Variants in TDRD9 observed in about 807,000 individuals in gnomAD.
TDRD9 encodes the protein ATP-dependent RNA helicase TDRD9.
Under a neutral mutation model 172.6 loss-of-function variants are expected in TDRD9, and 124 were observed. The observed-to-expected ratio is 0.72, with a 90% CI of 0.62 to 0.83. The LOEUF (loss-of-function observed/expected upper bound fraction) is 0.83, where lower values mean the gene tolerates loss of function less well. Ranked by LOEUF, TDRD9 falls within the 40% of genes least tolerant of loss-of-function variation. The pLI, the probability that TDRD9 is intolerant of heterozygous loss-of-function variation, is 0.00. For synonymous variants in TDRD9, 619 were observed against 617.1 expected, an observed-to-expected ratio of 1.00 and a Z score of -0.05; for missense variants, 1,479 against 1,714.1, an observed-to-expected ratio of 0.86 and a Z score of 2.42.
intron 2 of TDRD9, among the ~76,000 whole-genome samples, chr14:103,962,272 T>G (rs1370726775): frequency 6.9e-6 from 1 of 145,286 alleles, no homozygotes; most frequent in Non-Finnish European, 1.6e-5. Context: ...GAATGCACAC[T>G]TAAATTGATG....
chr14:104,045,701 T>C (rs1177077517), intron 34 of TDRD9, among the ~76,000 whole-genome samples: 1 of 152,194 alleles, frequency 6.6e-6, no homozygotes, highest in South Asian at 2.1e-4. Flanking sequence ...TGGACTCATG[T>C]CATCATTGTG....
intron 2 of TDRD9, among the ~76,000 whole-genome samples, chr14:103,961,083 C>T (rs191190696): frequency 6.6e-6 from 1 of 152,252 alleles, no homozygotes; most frequent in East Asian, 1.9e-4. Context: ...TCTCTCAGTC[C>T]AGTTCACAAG....
rs2033847805 is a variant in TDRD9, at chr14:103,991,160, G to A, written c.1116G>A (p.Gly372=). ...TTTGTGCACATCACATTTTTAACAG[G>A]AACAAGGCTTGGTCGGGGGCCCAGT... ...MFDDLDMKES[G]NKAWSGAQFV... Residue 372 remains glycine, a splice_region_variant and synonymous_variant, in exon 9 of 36, where the codon GGG becomes GGA. Transcript: ENST00000409874. 2 of 1,613,826 alleles carry A rather than the reference G, an allele frequency of 1.2e-6. No individual in the cohort carries two copies. Among genetic ancestry groups the A allele is most frequent in the South Asian group, 1.1e-5 (1 of 91,082 alleles).
intron 19 of TDRD9, 53 bp downstream of exon 19, chr14:104,007,257 G>A: frequency 6.4e-7 from 1 of 1,555,458 alleles, no homozygotes. Context: ...AATGAGAGAA[G>A]GACTCTGTCT....
At position 103,968,829 on chromosome 14, in the gene TDRD9, G is replaced by A. The variant is rs569550532; in HGVS notation, c.766-1712G>A. Among the ~76,000 whole-genome samples, 6 of 127,310 alleles carry A rather than the reference G, an allele frequency of 4.7e-5. No homozygotes were observed. The South Asian group carries it at 1.6e-3, about 34-fold the overall frequency. The allele number at this position is 127,310 out of a possible 152,430, so 83.5% of individuals were successfully genotyped here. Reference sequence around the variant, plus strand: ...AGAATAAAGTAGCTTGGCCGGGTGCGGTGGCTCACGCCTATAATCTCAGCA... The same window carrying A: ...AGAATAAAGTAGCTTGGCCGGGTGCAGTGGCTCACGCCTATAATCTCAGCA... On this transcript the variant is annotated intron_variant, in intron 5 of 35. Transcript: ENST00000409874.
Position 103,959,538 on chromosome 14 carries a change from A to G in TDRD9, c.323-3541A>G, listed in dbSNP as rs189637296. 7.6e-4 allele frequency among the ~76,000 whole-genome samples: 116 copies of G among 151,898 alleles called. No individual in the cohort carries two copies. In the South Asian group the frequency reaches 9.0e-3, roughly 12 times the overall value. On this transcript the variant is annotated intron_variant, in intron 2 of 35. Transcript: ENST00000409874. ...CAAAGCTATTTCTATGTCTATTTCT[A>G]TTAAAACCATGAGATTACACTGATG... is the stretch of plus-strand genomic sequence containing the variant.
At chr14:103,982,284 G>A (rs957156162) in intron 7 of TDRD9, among the ~76,000 whole-genome samples, 5 of 152,126 alleles carry the variant, frequency 3.3e-5, no homozygotes, top group East Asian at 1.9e-4. Context: ...CTCTCCAGCC[G>A]TTGCTGGCCT....
At chr14:103,994,075 T>C (rs2033969381) in intron 9 of TDRD9, among the ~76,000 whole-genome samples, 2 of 152,222 alleles carry the variant, frequency 1.3e-5, no homozygotes, top group African/African-American at 4.8e-5. Flanking sequence ...CTCATATAGC[T>C]AACACCCACA....
intron 34 of TDRD9, among the ~76,000 whole-genome samples, chr14:104,045,097 C>T (rs2140928418): frequency 6.6e-6 from 1 of 151,490 alleles, no homozygotes; most frequent in Middle Eastern, 3.4e-3. Flanking sequence ...GAGCCAAGAT[C>T]ACGCCATTGC....
chr14:104,008,446 C>T lies in TDRD9; in HGVS notation c.2086C>T (p.Gln696Ter). The change falls in exon 20 of 36, where the codon CAA (glutamine) becomes TAA (stop). Residue 696 changes from glutamine to a stop codon, truncating the protein, a stop_gained. Transcript: ENST00000409874. LOFTEE classifies it high-confidence loss of function. ...ELNWGRLNYI[Q>*]IKRIREVAEL... The stretch of plus-strand genomic sequence containing the variant: ...TAATTGGGGACGGTTAAATTACATT[C>T]AAATCAAGAGAATTAGAGAGGTAAG... The T allele has an allele frequency of 1.3e-6, 2 of 1,564,760 alleles. No homozygotes were observed. The highest frequency in any genetic ancestry group is 1.8e-6 in the Non-Finnish European group (2 of 1,136,754).
rs530236108 is a variant in TDRD9 at position 103,953,260 on chromosome 14, A to G, written c.216-2404A>G. ...CATACCCTTCTGCTCCCTACCCTCC[A>G]TTTCTCATCATCCTCTTCCCGCCCC... On this transcript the variant is annotated intron_variant, in intron 1 of 35. Transcript: ENST00000409874. Among the ~76,000 whole-genome samples, 5 of 151,904 alleles carry G rather than the reference A, an allele frequency of 3.3e-5. No individual in the cohort carries two copies. In the East Asian group the frequency reaches 7.8e-4, roughly 24 times the overall value.
At chr14:104,023,268 T>G (rs2035021173) in intron 24 of TDRD9, among the ~76,000 whole-genome samples, 1 of 151,816 alleles carries the variant, frequency 6.6e-6, no homozygotes, top group African/African-American at 2.4e-5. Context: ...ATTGATGTAA[T>G]TTTTAGTTAA....
At position 104,006,791 on chromosome 14, in the gene TDRD9, G is replaced by A. The variant is rs35030451; in HGVS notation, c.1953G>A (p.Val651=). The change falls in exon 18 of 36, where the codon GTG becomes GTA. Residue 651 remains valine, a synonymous_variant. Coordinates refer to ENST00000409874, the MANE Select transcript of TDRD9 (RefSeq NM_153046.3). ...TGTTATCTGTTTATAGGAACAAAGTGAATTTCTCTGGCAGTAGCAAGAGTG... is the reference window on the plus strand; with the variant it reads ...TGTTATCTGTTTATAGGAACAAAGTAAATTTCTCTGGCAGTAGCAAGAGTG... ...RQHLDGYRNK[V]NFSGSSKSDC... 7.2e-3 allele frequency: 11,568 copies of A among 1,613,496 alleles called. 53 individuals are homozygous for A. Among genetic ancestry groups the A allele is most frequent in the Non-Finnish European group, 8.5e-3 (10,078 of 1,179,592 alleles).
At chr14:104,041,745 A>G (rs2035617045) in intron 33 of TDRD9, among the ~76,000 whole-genome samples, 2 of 152,174 alleles carry the variant, frequency 1.3e-5, no homozygotes, top group African/African-American at 2.4e-5. Flanking sequence ...GCTGGTGGGA[A>G]TGCAGATTAG....
At chr14:103,929,114 C>A (rs2030190659) in intron 1 of TDRD9, among the ~76,000 whole-genome samples, 1 of 151,960 alleles carries the variant, frequency 6.6e-6, no homozygotes, top group Admixed American at 6.6e-5. Flanking sequence ...GCTGCGTCTT[C>A]GTCACCCGGA....
At chr14:103,952,204 ATATATATATATATATATTTTTT>A (rs2031928982) in intron 1 of TDRD9, among the ~76,000 whole-genome samples, 1 of 74,296 alleles carries the variant, frequency 1.3e-5, no homozygotes. Context: ...ATATATATAT[ATATATATATATATATATTTTTT>A]TTTTTTTTTT....
chr14:103,974,455 GGA>G (rs1210640240), intron 6 of TDRD9, among the ~76,000 whole-genome samples: 1 of 152,100 alleles, frequency 6.6e-6, no homozygotes, highest in Non-Finnish European at 1.5e-5. Flanking sequence ...TGACAAAACT[GGA>G]AGCTGCAGTC....
At chr14:104,035,209 G>A (rs1277800508) in intron 32 of TDRD9, among the ~76,000 whole-genome samples, 153 bp downstream of exon 32, 1 of 139,304 alleles carries the variant, frequency 7.2e-6, no homozygotes, top group South Asian at 2.2e-4. Context: ...TATTGTTATT[G>A]ATTTATTTAT....
chr14:104,050,021 G>C, intron 35 of TDRD9: 2 of 219,992 alleles, frequency 9.1e-6, no homozygotes, highest in Non-Finnish European at 1.8e-5. Context: ...TGGCTGGCTT[G>C]GTGGCTTTCG....
Sources: allele counts gnomAD v4.1 joint callset (sites outside exome capture counted in the v4.1 genomes callset), GRCh38; gene constraint gnomAD v4.1.1; transcripts MANE v1.5; gene names NCBI Gene and HGNC (gene_info 2026-07-23, HGNC 2026-07-21).